BEAN1: variants seen among roughly 807,000 people sequenced by gnomAD.
BEAN1 encodes brain expressed associated with NEDD4 1.
A neutral mutation model predicts 17.7 loss-of-function variants in BEAN1; 17 were observed. The ratio of observed to expected loss-of-function variants is 0.96; its 90% confidence interval spans 0.66 to 1.44. The LOEUF is 1.44. Among genes scored for constraint, BEAN1 ranks in the 40% most tolerant of loss-of-function variants. BEAN1 has a pLI of 0.00. For missense variants in BEAN1, 359 were observed against 374.1 expected (o/e 0.96, Z 0.33); for synonymous variants, 142 against 151.8 (o/e 0.94, Z 0.47).
rs1268143212 is a variant in BEAN1, at chr16:66,473,916, A to G, written c.290-3644A>G. Among the ~76,000 whole-genome samples the G allele has an allele frequency of 1.3e-5, 2 of 151,756 alleles. No homozygotes were observed. Among genetic ancestry groups the G allele is most frequent in the Non-Finnish European group, 2.9e-5 (2 of 67,954 alleles). On this transcript the variant is annotated intron_variant, in intron 3 of 4. Coordinates refer to ENST00000536005, the MANE Select transcript of BEAN1 (RefSeq NM_001178020.3). This position sits in a 1 kb window ranked among gnomAD's most constrained non-coding sequence, Gnocchi z 4.5. ...TATAAGTCAAGGTCCCTCAGATCCC[A>G]CACCTTGGTCCTGGTCCTCTCTCTA...
chr16:66,469,608 G>A lies in BEAN1; in HGVS notation c.32G>A (p.Arg11Gln), dbSNP rs1323411801. The change falls in exon 3 of 5, where the codon CGA (arginine) becomes CAA (glutamine). Residue 11 changes from arginine (R) to glutamine (Q), a missense_variant. Coordinates refer to ENST00000536005, the MANE Select transcript of BEAN1 (RefSeq NM_001178020.3). MSFKRPCPLA[R>Q]YNRTSYFYPT... ...CCTCTCTCTCTGTCCACAGTAGCAC[G>A]ATACAACCGCACCAGCTACTTCTAC... 18 of 1,535,874 alleles carry A rather than the reference G, an allele frequency of 1.2e-5. No homozygotes were observed. Among genetic ancestry groups the A allele is most frequent in the Admixed American group, 3.9e-5 (2 of 51,006 alleles).
At chr16:66,475,378 CT>C (rs1161456194) in intron 3 of BEAN1, among the ~76,000 whole-genome samples, 15 of 152,340 alleles carry the variant, frequency 9.8e-5, no homozygotes, top group Non-Finnish European at 2.9e-5. Context: ...TAGCAGTTTG[CT>C]CCAGCTCTAA....
At chr16:66,464,707 T>C (rs1190923347) in intron 2 of BEAN1, among the ~76,000 whole-genome samples, 1 of 152,344 alleles carries the variant, frequency 6.6e-6, no homozygotes, top group East Asian at 1.9e-4. Flanking sequence ...TTAGGTTTGG[T>C]CATTGCTACC....
chr16:66,431,603 GT>G (rs35362890), intron 1 of BEAN1, among the ~76,000 whole-genome samples: 5,157 of 148,642 alleles, frequency 0.035, 296 homozygotes, highest in African/African-American at 0.12. Flanking sequence ...ATATTCCCTA[GT>G]TTTTTTTTTT....
intron 2 of BEAN1, among the ~76,000 whole-genome samples, chr16:66,461,173 A>C (rs1963067732): frequency 7.2e-6 from 1 of 138,752 alleles, no homozygotes. Context: ...TGCAGCTGGT[A>C]CAGGGGGACA....
At chr16:66,454,062 G>A (rs1032530565) in intron 2 of BEAN1, among the ~76,000 whole-genome samples, 6 of 152,114 alleles carry the variant, frequency 3.9e-5, no homozygotes, top group African/African-American at 1.2e-4. Flanking sequence ...GGGTTTTCCC[G>A]GATAGTTTTC....
rs1377858383 is a variant in BEAN1 at position 66,473,376 on chromosome 16, C to T, written c.289+3511C>T. 1.3e-5 allele frequency among the ~76,000 whole-genome samples: 2 copies of T among 152,190 alleles called. No individual in the cohort carries two copies. The highest frequency in any genetic ancestry group is 2.9e-5 in the Non-Finnish European group (2 of 68,032). The stretch of plus-strand genomic sequence containing the variant: ...GGCCTCCCTGCCCCACTTCTGCACT[C>T]GGCTACAGCTTTGACACCTCCTGGG... On this transcript the variant is annotated intron_variant, in intron 3 of 4. Transcript: ENST00000536005. The surrounding 1 kb of genome is among the most constrained non-coding windows in gnomAD (Gnocchi z 4.5).
At chr16:66,486,754 C>G (rs1329761418), downstream of BEAN1, among the ~76,000 whole-genome samples, 2 of 152,236 alleles carry the variant, frequency 1.3e-5, no homozygotes, top group Non-Finnish European at 2.9e-5. Flanking sequence ...AGACGAGCAG[C>G]CTCTGCCATG....
At chr16:66,493,055 T>C (rs1341919121) in exon 5 of BEAN1, 6 of 702,872 alleles carry the variant, frequency 8.5e-6, no homozygotes, top group African/African-American at 7.0e-5. Context: ...CACGGCCACC[T>C]TGGAGTCTGA....
intron 1 of BEAN1, among the ~76,000 whole-genome samples, chr16:66,433,511 C>A (rs1801147675): frequency 6.6e-6 from 1 of 152,166 alleles, no homozygotes; most frequent in Non-Finnish European, 1.5e-5. Flanking sequence ...TGGCCACGGC[C>A]TCCCAAGCTC....
chr16:66,468,137 G>C (rs1395338119), intron 2 of BEAN1, among the ~76,000 whole-genome samples: 1 of 152,152 alleles, frequency 6.6e-6, no homozygotes, highest in Admixed American at 6.5e-5. Context: ...CCAAGACAGA[G>C]GCCTCACTCT....
chr16:66,440,894 T>C (rs1962230792), intron 2 of BEAN1, among the ~76,000 whole-genome samples: 1 of 152,196 alleles, frequency 6.6e-6, no homozygotes, highest in South Asian at 2.1e-4. Flanking sequence ...GTCAGAAATC[T>C]GGAAATGAAC....
chr16:66,493,474 C>T, exon 5 of BEAN1: 1 of 604,292 alleles, frequency 1.7e-6, no homozygotes, highest in Middle Eastern at 4.3e-4. Context: ...CATGCCTGGA[C>T]AGTGAGGAGG....
chr16:66,487,592 A>C (rs757707489), downstream of BEAN1, among the ~76,000 whole-genome samples: 6 of 151,974 alleles, frequency 3.9e-5, no homozygotes, highest in Non-Finnish European at 7.4e-5. Flanking sequence ...CCTCCTCCTC[A>C]CCCTCTGCAG....
chr16:66,430,731 C>T (rs1961763766), intron 1 of BEAN1, among the ~76,000 whole-genome samples: 1 of 152,136 alleles, frequency 6.6e-6, no homozygotes, highest in African/African-American at 2.4e-5. Context: ...CACTTATTAC[C>T]TCCAACATCT....
At chr16:66,467,882 C>T (rs1963312867) in intron 2 of BEAN1, among the ~76,000 whole-genome samples, 1 of 152,266 alleles carries the variant, frequency 6.6e-6, no homozygotes, top group Non-Finnish European at 1.5e-5. Flanking sequence ...ATGGGCCACA[C>T]CTGCCCCAAG....
chr16:66,453,647 C>T lies in BEAN1; in HGVS notation c.25+15946C>T, dbSNP rs1451792800. Among the ~76,000 whole-genome samples, 3 of 152,298 alleles carry T rather than the reference C, an allele frequency of 2.0e-5. No homozygotes were observed. In the South Asian group the frequency reaches 6.2e-4, roughly 32 times the overall value. ...AAAGTGTTGGGATTACAGGCATGAGCCACAGTGCCTAGCCTAAAATATATT... is the reference window on the plus strand; with the variant it reads ...AAAGTGTTGGGATTACAGGCATGAGTCACAGTGCCTAGCCTAAAATATATT... On this transcript the variant is annotated intron_variant, in intron 2 of 4. Transcript: ENST00000536005.
intron 4 of BEAN1, chr16:66,478,201 T>C (rs768052369): frequency 2.0e-4 from 31 of 152,802 alleles, no homozygotes; most frequent in Non-Finnish European, 3.7e-4. Flanking sequence ...TATGCTGACA[T>C]CTGATGGCCC....
At chr16:66,429,294 G>A (rs761405490) in intron 1 of BEAN1, among the ~76,000 whole-genome samples, 1 of 152,180 alleles carries the variant, frequency 6.6e-6, no homozygotes, top group Admixed American at 6.5e-5. Context: ...GAAGGATGTC[G>A]GGGAGGAAAT....
Sources: gnomAD v4.1 joint callset for allele counts (sites outside exome capture counted in the v4.1 genomes callset) on GRCh38, gnomAD v4.1.1 for gene constraint, Gnocchi (gnomAD v3.1) non-coding constraint, MANE v1.5 for transcripts, NCBI Gene and HGNC (gene_info 2026-07-23, HGNC 2026-07-21) for gene names.